The following LEKR1 variants were observed in gnomAD, a reference collection of about 807,000 sequenced individuals.
LEKR1 encodes the protein protein LEKR1.
Under a neutral mutation model 72.4 loss-of-function variants are expected in LEKR1, and 59 were observed. The ratio of observed to expected loss-of-function variants is 0.82; its 90% CI spans 0.66 to 1.01. The LOEUF is 1.01. Ranked by LOEUF, LEKR1 falls within the 50% of genes least tolerant of loss-of-function variation. LEKR1 has a pLI of 0.00. For missense variants in LEKR1, 728 were observed against 759.2 expected (o/e 0.96, Z 0.48); for synonymous variants, 257 against 263.2 (o/e 0.98, Z 0.23).
chr3:156,953,320 G>A (rs1399731083), intron 6 of LEKR1, among the ~76,000 whole-genome samples: 1 of 151,412 alleles, frequency 6.6e-6, no homozygotes, highest in African/African-American at 2.4e-5. Context: ...ATTAATGAAT[G>A]AATATTGACA....
chr3:156,829,002 TTAG>T (rs1342523292), intron 1 of LEKR1, among the ~76,000 whole-genome samples: 3 of 151,816 alleles, frequency 2.0e-5, no homozygotes, highest in African/African-American at 2.4e-5. Flanking sequence ...TGAAAAACAA[TTAG>T]TAGTAAATCA....
At chr3:156,838,380 G>T (rs1370974991) in intron 2 of LEKR1, among the ~76,000 whole-genome samples, 1 of 152,104 alleles carries the variant, frequency 6.6e-6, no homozygotes. Context: ...TTCCAAACCA[G>T]GATTCCTAAC....
chr3:156,987,709 A>G lies in LEKR1; in HGVS notation c.828-4944A>G, dbSNP rs546536814. On this transcript the variant is annotated intron_variant, in intron 7 of 12. Coordinates refer to ENST00000356539, the MANE Select transcript of LEKR1 (RefSeq NM_001004316.3). ...GGCAATATAAAAGTGAATGTTTTACATATAAGACACCTACATGTAATGTGA... is the reference window on the plus strand; with the variant it reads ...GGCAATATAAAAGTGAATGTTTTACGTATAAGACACCTACATGTAATGTGA... Among the ~76,000 whole-genome samples the G allele has an allele frequency of 2.8e-4, 43 of 152,320 alleles. 1 individual carries two copies. In the South Asian group the frequency reaches 8.3e-3, roughly 29 times the overall value.
intron 2 of LEKR1, among the ~76,000 whole-genome samples, chr3:156,840,374 A>T (rs1414933819): frequency 6.6e-6 from 1 of 152,182 alleles, no homozygotes; most frequent in Non-Finnish European, 1.5e-5. Flanking sequence ...CTGTTAGTTC[A>T]CATCTGTACC....
In LEKR1 at chr3:156,920,657, G is replaced by A; in HGVS notation, c.346G>A (p.Glu116Lys). ...VKKQLSHLQD[E>K]LKIKYRQSYI... ...GAAACAACTGAGTCATTTGCAAGAT[G>A]AGCTAAAAATTAAATATAGACAATC... The change falls in exon 4 of 13, where the codon GAG becomes AAG. Residue 116 changes from glutamate (E) to lysine (K), a missense_variant. Coordinates refer to ENST00000356539, the MANE Select transcript of LEKR1 (RefSeq NM_001004316.3). 6.9e-7 allele frequency: 1 copy of A among 1,443,324 alleles called. No homozygotes were observed. The highest frequency in any genetic ancestry group is 1.3e-5 in the South Asian group (1 of 78,810). 89.4% of individuals were successfully genotyped at this position (1,443,324 alleles called of 1,614,324 possible). A position where few individuals can be genotyped will look rare whatever the true frequency, so the allele number is the denominator to read the frequency against.
Position 156,969,269 on chromosome 3 carries a change from A to G in LEKR1, c.746-9925A>G, listed in dbSNP as rs1728923091. Among the ~76,000 whole-genome samples, 3 of 151,294 alleles carry G rather than the reference A, an allele frequency of 2.0e-5. No homozygotes were observed. The South Asian group carries it at 6.2e-4, about 31-fold the overall frequency. On this transcript the variant is annotated intron_variant, in intron 6 of 12. Transcript: ENST00000356539. The stretch of plus-strand genomic sequence containing the variant: ...AAAGCTAGCAGAAGGCAAGAAATAG[A>G]TGAGAGCAGAACTGAAGGAAGTAGA...
At chr3:156,905,954 C>A (rs556457835) in intron 3 of LEKR1, among the ~76,000 whole-genome samples, 1 of 152,234 alleles carries the variant, frequency 6.6e-6, no homozygotes, top group Non-Finnish European at 1.5e-5. Flanking sequence ...GGATGTAATC[C>A]TGAAAATCCC....
intron 10 of LEKR1, among the ~76,000 whole-genome samples, chr3:157,019,379 A>C (rs901002583): frequency 1.3e-5 from 2 of 152,216 alleles, no homozygotes; most frequent in Non-Finnish European, 2.9e-5. Context: ...GCATTTCAAC[A>C]ACAAATACAA....
intron 6 of LEKR1, among the ~76,000 whole-genome samples, chr3:156,957,290 AG>A (rs1553812598): frequency 1.3e-5 from 2 of 152,104 alleles, no homozygotes; most frequent in Non-Finnish European, 2.9e-5. Flanking sequence ...CAGTGTAAAA[AG>A]AATCCACAAA....
At chr3:156,830,941 GT>G (rs1712298447) in intron 2 of LEKR1, among the ~76,000 whole-genome samples, 1 of 152,070 alleles carries the variant, frequency 6.6e-6, no homozygotes, top group Non-Finnish European at 1.5e-5. Context: ...AAGAAAGGGG[GT>G]TTTTGGTTTC....
chr3:157,038,044 G>T lies in LEKR1; in HGVS notation c.1669-7296G>T, dbSNP rs1735088396. Among the ~76,000 whole-genome samples, 2 of 152,184 alleles carry T rather than the reference G, an allele frequency of 1.3e-5. 1 individual carries two copies. The highest frequency in any genetic ancestry group is 4.1e-4 in the South Asian group (2 of 4,822). The stretch of plus-strand genomic sequence containing the variant: ...AAGGTCTTTGGATACTTTGCTAGGT[G>T]TGATAGAAAGCCACCTAGGAATTTC... On this transcript the variant is annotated intron_variant, in intron 12 of 12. Coordinates refer to ENST00000356539, the MANE Select transcript of LEKR1 (RefSeq NM_001004316.3).
intron 9 of LEKR1, among the ~76,000 whole-genome samples, chr3:157,010,102 C>T (rs998906621): frequency 6.6e-6 from 1 of 151,880 alleles, no homozygotes; most frequent in Non-Finnish European, 1.5e-5. Context: ...TCTGACTTCT[C>T]TTTTTTATTC....
intron 5 of LEKR1, among the ~76,000 whole-genome samples, chr3:156,936,734 T>C (rs565325920): frequency 1.2e-4 from 19 of 152,194 alleles, no homozygotes; most frequent in African/African-American, 4.3e-4. Context: ...GGAGGAAGAA[T>C]AGCCTTTTCA....
intron 9 of LEKR1, among the ~76,000 whole-genome samples, chr3:157,002,739 C>T (rs193298747): frequency 9.2e-5 from 14 of 152,240 alleles, no homozygotes; most frequent in Admixed American, 3.9e-4. Context: ...TTACTCAAAA[C>T]ACCATATACT....
intron 3 of LEKR1, among the ~76,000 whole-genome samples, chr3:156,887,500 G>A (rs954415513): frequency 2.6e-5 from 4 of 152,084 alleles, no homozygotes; most frequent in African/African-American, 4.8e-5. Context: ...ATTATGAACT[G>A]TTATGTAGAT....
intron 2 of LEKR1, among the ~76,000 whole-genome samples, chr3:156,842,929 A>G (rs1714117114): frequency 6.6e-6 from 1 of 152,208 alleles, no homozygotes; most frequent in Non-Finnish European, 1.5e-5. Context: ...CCCATGGGCT[A>G]GACAGCAAAA....
At chr3:156,843,405 TG>T (rs1326185186) in intron 2 of LEKR1, among the ~76,000 whole-genome samples, 1 of 152,098 alleles carries the variant, frequency 6.6e-6, no homozygotes, top group Non-Finnish European at 1.5e-5. Context: ...TTTTTTAAAA[TG>T]GTGACAAAAT....
intron 7 of LEKR1, among the ~76,000 whole-genome samples, chr3:156,982,971 T>C (rs1411078115): frequency 7.9e-5 from 12 of 152,054 alleles, no homozygotes; most frequent in Non-Finnish European, 1.6e-4. Flanking sequence ...CTTAAGTGGC[T>C]CTATCCTTCC....
intron 6 of LEKR1, among the ~76,000 whole-genome samples, chr3:156,978,237 AACTC>A (rs148373879): frequency 0.16 from 23,709 of 152,166 alleles, 2,084 homozygotes; most frequent in South Asian, 0.25. Context: ...TTAAGGAACT[AACTC>A]TTTGTAAAAT....
Sources: gnomAD v4.1 joint callset for allele counts (sites outside exome capture counted in the v4.1 genomes callset) on GRCh38, gnomAD v4.1.1 for gene constraint, MANE v1.5 for transcripts, NCBI Gene and HGNC (gene_info 2026-07-23, HGNC 2026-07-21) for gene names.